Variants in ZNF207 observed in about 807,000 individuals in gnomAD.
ZNF207 encodes zinc finger protein 207, also known as BUB3-interacting and GLEBS motif-containing protein ZNF207.
Under a neutral mutation model 60.2 loss-of-function variants are expected in ZNF207, and 24 were observed. The ratio of observed to expected loss-of-function variants is 0.40; its 90% confidence interval spans 0.29 to 0.56. The LOEUF (loss-of-function observed/expected upper bound fraction) is 0.56, where lower values mean the gene tolerates loss of function less well. ZNF207 is among the 20% of genes least tolerant of loss of function. ZNF207 has a pLI of 0.49. For synonymous variants in ZNF207, 236 were observed against 194.7 expected, an observed-to-expected ratio of 1.21 and a Z score of -1.77; for missense variants, 452 against 636.6, an observed-to-expected ratio of 0.71 and a Z score of 3.12.
chr17:32,352,612 A>G (rs1472634267), intron 2 of ZNF207, among the ~76,000 whole-genome samples: 1 of 152,210 alleles, frequency 6.6e-6, no homozygotes, highest in African/African-American at 2.4e-5. Flanking sequence ...CTGCCATTGA[A>G]GGATCTGTTA....
intron 5 of ZNF207, 95 bp downstream of exon 5, chr17:32,361,062 T>G (rs1174468393): frequency 7.3e-7 from 1 of 1,378,324 alleles, no homozygotes. Context: ...CTTTCCATTT[T>G]TTGCTTCTAG....
At position 32,360,982 on chromosome 17, in the gene ZNF207, T is replaced by C. The variant is rs755100003; in HGVS notation, c.551+15T>C. The C allele has an allele frequency of 3.7e-6, 6 of 1,611,272 alleles. No homozygotes were observed. In the East Asian group the frequency reaches 6.7e-5, roughly 18 times the overall value. On this transcript the variant is annotated intron_variant, in intron 5 of 11. Transcript: ENST00000394670. ...ATGCCACCTGGGTAAGAAAATTCTT[T>C]TAATTGCCCTGTAGGCTTGTGCCTA...
intron 2 of ZNF207, among the ~76,000 whole-genome samples, chr17:32,357,774 T>A (rs1904635301): frequency 6.6e-6 from 1 of 152,078 alleles, no homozygotes; most frequent in Non-Finnish European, 1.5e-5. Flanking sequence ...TGACTGGGAT[T>A]ATGGGTGTGC....
Position 32,369,601 on chromosome 17 carries a change from C to A in ZNF207, c.1327C>A (p.Gln443Lys). 1.3e-6 allele frequency: 2 copies of A among 1,564,312 alleles called. No individual in the cohort carries two copies. Among genetic ancestry groups the A allele is most frequent in the East Asian group, 4.5e-5 (2 of 44,404 alleles). Reference sequence around the variant, plus strand: ...GTGTTTGAAATTCTTGATTTTAGGTCAGTATGGTGGTCATCATCAAGGCAT... The same window carrying A: ...GTGTTTGAAATTCTTGATTTTAGGTAAGTATGGTGGTCATCATCAAGGCAT... ...GMRPPMPPHG[Q>K]YGGHHQGMPG... Residue 443 changes from glutamine (Q) to lysine (K), a missense_variant and splice_region_variant, in exon 12 of 12, where the codon CAG becomes AAG. This residue lies in a region of ZNF207 where 390 missense variants were observed against 461.4 expected (regional missense o/e 0.85). Transcript: ENST00000394670.
rs1181632733 is a variant in ZNF207, at chr17:32,377,624, C to T, written c.*7865C>T. Reference sequence around the variant, plus strand: ...ACATATTCGTTTAAATTTAGAAATTCCCACATGTTTAAGATATATGCCCAT... The same window carrying T: ...ACATATTCGTTTAAATTTAGAAATTTCCACATGTTTAAGATATATGCCCAT... On this transcript the variant is annotated 3_prime_UTR_variant, in exon 12 of 12. Coordinates refer to ENST00000394670, the MANE Select transcript of ZNF207 (RefSeq NM_001098507.2). The T allele has an allele frequency of 2.0e-5, 3 of 151,772 alleles. No individual in the cohort carries two copies. The highest frequency in any genetic ancestry group is 2.9e-5 in the Non-Finnish European group (2 of 67,828). 9.4% of individuals were successfully genotyped at this position (151,772 alleles called of 1,614,324 possible).
At chr17:32,363,418 AG>A (rs1296101324) in intron 7 of ZNF207, among the ~76,000 whole-genome samples, 1 of 151,068 alleles carries the variant, frequency 6.6e-6, no homozygotes, top group Non-Finnish European at 1.5e-5. Flanking sequence ...AATAGATGAT[AG>A]GTTTCAAAGC....
intron 3 of ZNF207, among the ~76,000 whole-genome samples, chr17:32,360,185 C>G (rs575262696): frequency 2.6e-4 from 28 of 109,244 alleles, no homozygotes; most frequent in Admixed American, 1.8e-3. Flanking sequence ...TACCCCCCCC[C>G]CAAAAAAAAA....
chr17:32,361,082 G>A (rs2150795204), intron 5 of ZNF207, 115 bp downstream of exon 5: 1 of 1,052,112 alleles, frequency 9.5e-7, no homozygotes, highest in East Asian at 2.6e-5. Context: ...GAAGGTATGG[G>A]CTCTATATAT....
intron 2 of ZNF207, among the ~76,000 whole-genome samples, chr17:32,357,955 A>G (rs1904648398): frequency 6.6e-6 from 1 of 151,674 alleles, no homozygotes; most frequent in South Asian, 2.1e-4. Context: ...AATTTTTTGT[A>G]TTTTTAGTCG....
rs889158643 is a variant in ZNF207 at position 32,377,852 on chromosome 17, T to C, written c.*8093T>C. On this transcript the variant is annotated 3_prime_UTR_variant, in exon 12 of 12. Transcript: ENST00000394670. ...AGGCTCTGAGGAAATTTAATGCACATTGACTTTTTAAACTATGGATTGAAC... is the reference window on the plus strand; with the variant it reads ...AGGCTCTGAGGAAATTTAATGCACACTGACTTTTTAAACTATGGATTGAAC... 6 of 152,500 alleles carry C rather than the reference T, an allele frequency of 3.9e-5. No individual in the cohort carries two copies. The highest frequency in any genetic ancestry group is 2.1e-4 in the South Asian group (1 of 4,826). The allele number at this position is 152,500 out of a possible 1,614,324, so 9.4% of individuals were successfully genotyped here. A position where few individuals can be genotyped will look rare whatever the true frequency, so the allele number is the denominator to read the frequency against.
Position 32,365,399 on chromosome 17 carries a change from G to A in ZNF207, c.740G>A (p.Gly247Asp). 6.2e-7 allele frequency: 1 copy of A among 1,614,036 alleles called. No individual in the cohort carries two copies. The highest frequency in any genetic ancestry group is 8.5e-7 in the Non-Finnish European group (1 of 1,180,006). The change falls in exon 8 of 12, where the codon GGT (glycine) becomes GAT (aspartate). Residue 247 changes from glycine to aspartate, a missense_variant. Gly to Asp is a moderately conservative substitution (Grantham distance 94). Transcript: ENST00000394670. ...MTQAQAVSAP[G>D]ILNRPPAPTA... ...CAAGCACAGGCTGTTTCAGCGCCAG[G>A]TATTCTTAATAGACCACCTGCACCA... is the stretch of plus-strand genomic sequence containing the variant.
Position 32,358,592 on chromosome 17 carries a change from A to G in ZNF207, c.258A>G (p.Pro86=). ...AAATATATGGTATGGAAGGTATTCC[A>G]GAAAAAGACATGGATGAAAGACGAC... ...ELEIYGMEGI[P]EKDMDERRRL... is the part of the protein sequence containing the mutation. The change falls in exon 3 of 12, where the codon CCA becomes CCG. Residue 86 remains proline, a synonymous_variant. Coordinates refer to ENST00000394670, the MANE Select transcript of ZNF207 (RefSeq NM_001098507.2). The G allele has an allele frequency of 6.5e-7, 1 of 1,546,044 alleles. No homozygotes were observed. Among genetic ancestry groups the G allele is most frequent in the South Asian group, 1.3e-5 (1 of 75,410 alleles).
Position 32,350,229 on chromosome 17 carries a change from G to A in ZNF207, c.-57G>A, listed in dbSNP as rs1422329900. ...GGGTTGGGAAAGTGAGGGATTTTTG[G>A]CCTCGTTTCTCCTGCTTCTTTTCTC... On this transcript the variant is annotated 5_prime_UTR_variant, in exon 1 of 12. Transcript: ENST00000394670. The A allele has an allele frequency of 6.2e-7, 1 of 1,611,418 alleles. No homozygotes were observed. The highest frequency in any genetic ancestry group is 8.5e-7 in the Non-Finnish European group (1 of 1,177,860).
At chr17:32,358,050 G>A (rs563043917) in intron 2 of ZNF207, among the ~76,000 whole-genome samples, 127 of 152,296 alleles carry the variant, frequency 8.3e-4, no homozygotes, top group Non-Finnish European at 1.5e-3. Flanking sequence ...CAAGTGCTGG[G>A]ATTACAGATG....
At position 32,367,898 on chromosome 17, in the gene ZNF207, A is replaced by G. The variant is rs770084577; in HGVS notation, c.1048A>G (p.Ser350Gly). The change falls in exon 10 of 12, where the codon AGT (serine) becomes GGT (glycine). Residue 350 changes from serine to glycine, a missense_variant. By Grantham distance (56) the Ser-to-Gly change is moderately conservative. This residue lies in a region of ZNF207 where 390 missense variants were observed against 461.4 expected (regional missense o/e 0.85). Transcript: ENST00000394670. ...TACACAGTCTACAGCTTCAACAACT[A>G]GTACAACAAATAGTACTGCAGCTAA... ...AYTQSTASTT[S>G]TTNSTAAKPA... 1.9e-6 allele frequency: 3 copies of G among 1,614,084 alleles called. No homozygotes were observed. Among genetic ancestry groups the G allele is most frequent in the East Asian group, 2.2e-5 (1 of 44,896 alleles).
chr17:32,365,271 T>A, intron 7 of ZNF207, 59 bp from the exon 8 acceptor site: 1 of 1,561,266 alleles, frequency 6.4e-7, no homozygotes, highest in Non-Finnish European at 8.7e-7. Context: ...TATAGAAGCG[T>A]TTTTTTCCAC....
rs1905523525 is a variant in ZNF207 at position 32,372,592 on chromosome 17, A to G, written c.*2833A>G. ...GTTAGGCATTGGCAGATAAAACTTA[A>G]GCTCATGAGTTCCTGAGTTTGTAGC... On this transcript the variant is annotated 3_prime_UTR_variant, in exon 12 of 12. Transcript: ENST00000394670. The G allele has an allele frequency of 6.6e-6, 1 of 152,218 alleles. No homozygotes were observed. The highest frequency in any genetic ancestry group is 1.5e-5 in the Non-Finnish European group (1 of 68,030). The allele number at this position is 152,218 out of a possible 1,614,324, so 9.4% of individuals were successfully genotyped here. A position where few individuals can be genotyped will look rare whatever the true frequency, so the allele number is the denominator to read the frequency against.
At chr17:32,360,257 G>A (rs1904790298) in intron 3 of ZNF207, among the ~76,000 whole-genome samples, 1 of 151,294 alleles carries the variant, frequency 6.6e-6, no homozygotes, top group African/African-American at 2.4e-5. Context: ...GACTGTGGCG[G>A]GAGGATCGCT....
rs1329468273 is a variant in ZNF207, at chr17:32,358,617, C to A, written c.283C>A (p.Arg95=). ...AGAAAAAGACATGGATGAAAGACGA[C>A]GACTTCTTGAACAGAAAACACAAGG... ...IPEKDMDERR[R]LLEQKTQESQ... is the part of the protein sequence containing the mutation. Residue 95 remains arginine (R), a synonymous_variant, in exon 3 of 12, where the codon CGA becomes AGA. Transcript: ENST00000394670. 7.9e-6 allele frequency: 12 copies of A among 1,525,624 alleles called. No individual in the cohort carries two copies. The highest frequency in any genetic ancestry group is 4.5e-5 in the Admixed American group (2 of 44,166). The allele number at this position is 1,525,624 out of a possible 1,614,324, so 94.5% of individuals were successfully genotyped here.
Sources: gnomAD v4.1 joint callset for allele counts (sites outside exome capture counted in the v4.1 genomes callset) on GRCh38, gnomAD v4.1.1 for gene constraint, gnomAD v4.1.1 regional missense constraint, MANE v1.5 for transcripts, NCBI Gene and HGNC (gene_info 2026-07-23, HGNC 2026-07-21) for gene names.